The following IGSF3 variants were observed in gnomAD, a reference collection of about 807,000 sequenced individuals.
The protein encoded by IGSF3 is glu-Trp-Ile EWI motif-containing protein 3.
In IGSF3, 23 loss-of-function variants were observed where a neutral mutation model predicts 114.4. The observed-to-expected ratio is 0.20, with a 90% CI of 0.14 to 0.28. IGSF3 has a LOEUF of 0.28. Ranked by LOEUF, IGSF3 falls within the 10% of genes least tolerant of loss-of-function variation. The pLI is 1.00. For synonymous variants in IGSF3, 571 were observed against 645.2 expected (o/e 0.88, Z 1.74); for missense variants, 1,172 against 1,591.5 (o/e 0.74, Z 4.48).
At chr1:116,581,528 G>T (rs569852481) in intron 9 of IGSF3, among the ~76,000 whole-genome samples, 308 of 152,182 alleles carry the variant, frequency 2.0e-3, no homozygotes, top group Non-Finnish European at 2.9e-3. Flanking sequence ...ATTGTCCTGG[G>T]CTTTCAATGA....
intron 8 of IGSF3, among the ~76,000 whole-genome samples, chr1:116,587,218 G>A (rs963988112): frequency 6.6e-6 from 1 of 152,006 alleles, no homozygotes; most frequent in Non-Finnish European, 1.5e-5. Context: ...GTGTGTGTGT[G>A]TATATATATA....
chr1:116,597,265 C>T (rs1467739267), intron 7 of IGSF3, among the ~76,000 whole-genome samples: 2 of 152,220 alleles, frequency 1.3e-5, no homozygotes, highest in Non-Finnish European at 2.9e-5. Flanking sequence ...CACCAAGTGT[C>T]CAACAGTCTC....
chr1:116,648,138 G>A lies in IGSF3; in HGVS notation c.43+18146C>T, dbSNP rs978277670. Among the ~76,000 whole-genome samples, 3 of 152,080 alleles carry A rather than the reference G, an allele frequency of 2.0e-5. No individual in the cohort carries two copies. Among genetic ancestry groups the A allele is most frequent in the Non-Finnish European group, 2.9e-5 (2 of 68,024 alleles). On this transcript the variant is annotated intron_variant, in intron 2 of 10. Transcript: ENST00000369486. The surrounding 1 kb of genome is among the most constrained non-coding windows in gnomAD (Gnocchi z 4.7). Reference sequence around the variant, plus strand: ...AAAAAAAGAGTGGCTACCCAAGAACGCAACAGCAGCAGCAAACACTGATCT... The same window carrying A: ...AAAAAAAGAGTGGCTACCCAAGAACACAACAGCAGCAGCAAACACTGATCT...
intron 4 of IGSF3, among the ~76,000 whole-genome samples, chr1:116,609,209 A>T (rs1245821043): frequency 3.9e-5 from 6 of 151,918 alleles, no homozygotes; most frequent in African/African-American, 1.4e-4. Context: ...ACTAAACCCA[A>T]GCAGCCTCCT....
At position 116,627,610 on chromosome 1, in the gene IGSF3, G is replaced by GCAGGCAGCGTCAGGATGTCAGCTAC. The variant is rs1647354720; in HGVS notation, c.44-11178_44-11154dup. Among the ~76,000 whole-genome samples the GCAGGCAGCGTCAGGATGTCAGCTAC allele has an allele frequency of 6.6e-6, 1 of 152,364 alleles. No individual in the cohort carries two copies. Among genetic ancestry groups the GCAGGCAGCGTCAGGATGTCAGCTAC allele is most frequent in the East Asian group, 1.9e-4 (1 of 5,188 alleles). Reference sequence around the variant, plus strand: ...CTGACAACAGGCCGGGAGCGCATCTGCAGGCAGCGTCAGGATGTCAGCTAC... The same window carrying GCAGGCAGCGTCAGGATGTCAGCTAC: ...CTGACAACAGGCCGGGAGCGCATCTGCAGGCAGCGTCAGGATGTCAGCTACCAGGCAGCGTCAGGATGTCAGCTAC... On this transcript the variant is annotated intron_variant, in intron 2 of 10. Coordinates refer to ENST00000369486, the MANE Select transcript of IGSF3 (RefSeq NM_001007237.3). The surrounding 1 kb of genome is among the most constrained non-coding windows in gnomAD (Gnocchi z 4.7).
intron 7 of IGSF3, among the ~76,000 whole-genome samples, chr1:116,597,241 A>G (rs1660381033): frequency 6.6e-6 from 1 of 152,228 alleles, no homozygotes; most frequent in Admixed American, 6.5e-5. Flanking sequence ...GTGAAGATTA[A>G]GTGAGGTAAT....
intron 4 of IGSF3, among the ~76,000 whole-genome samples, chr1:116,609,568 GT>G (rs1311203014): frequency 6.6e-6 from 1 of 152,094 alleles, no homozygotes; most frequent in East Asian, 1.9e-4. Flanking sequence ...AGAAAACGGA[GT>G]TAAGGGTTAG....
In IGSF3 at chr1:116,614,775, C is replaced by T. The variant is rs1445962798; in HGVS notation, c.422-600G>A. On this transcript the variant is annotated intron_variant, in intron 3 of 10. Transcript: ENST00000369486. This position sits in a 1 kb window ranked among gnomAD's most constrained non-coding sequence, Gnocchi z 4.5. ...ATAATTCATCGATCAAAGGGGTCCT[C>T]ACTGGAAGGAAGCCACAGTCTGGAG... Among the ~76,000 whole-genome samples, 1 of 152,164 alleles carries T rather than the reference C, an allele frequency of 6.6e-6. No homozygotes were observed. Among genetic ancestry groups the T allele is most frequent in the East Asian group, 1.9e-4 (1 of 5,190 alleles).
rs984423824 is a variant in IGSF3 at position 116,627,199 on chromosome 1, G to T, written c.44-10742C>A. 6.6e-6 allele frequency among the ~76,000 whole-genome samples: 1 copy of T among 152,142 alleles called. No homozygotes were observed. The highest frequency in any genetic ancestry group is 2.4e-5 in the African/African-American group (1 of 41,414). On this transcript the variant is annotated intron_variant, in intron 2 of 10. Coordinates refer to ENST00000369486, the MANE Select transcript of IGSF3 (RefSeq NM_001007237.3). The surrounding 1 kb of genome is among the most constrained non-coding windows in gnomAD (Gnocchi z 4.7). ...CCTCTGAGAAGTCCAGAGGCTCAGT[G>T]AACCGCAGCTTAGAGTGAGTTCCAG... is the stretch of plus-strand genomic sequence containing the variant.
intron 2 of IGSF3, among the ~76,000 whole-genome samples, chr1:116,643,071 C>A (rs1648180861): frequency 1.3e-5 from 2 of 152,182 alleles, no homozygotes; most frequent in African/African-American, 4.8e-5. Flanking sequence ...CCAAAAGGCG[C>A]AGGGGGATGG....
rs1444729118 is a variant in IGSF3 at position 116,629,693 on chromosome 1, T to C, written c.44-13236A>G. Among the ~76,000 whole-genome samples, 4 of 152,228 alleles carry C rather than the reference T, an allele frequency of 2.6e-5. No homozygotes were observed. The highest frequency in any genetic ancestry group is 1.5e-5 in the Non-Finnish European group (1 of 68,048). ...CTTTGCAGGTGTGTGAAGTGTCAAA[T>C]GGTTAATCAGTTGCCCTCTATTTGA... is the stretch of plus-strand genomic sequence containing the variant. On this transcript the variant is annotated intron_variant, in intron 2 of 10. Transcript: ENST00000369486. The surrounding 1 kb of genome is among the most constrained non-coding windows in gnomAD (Gnocchi z 4.3).
chr1:116,625,066 C>A lies in IGSF3; in HGVS notation c.44-8609G>T, dbSNP rs1250254775. Among the ~76,000 whole-genome samples, 1 of 152,214 alleles carries A rather than the reference C, an allele frequency of 6.6e-6. No individual in the cohort carries two copies. The highest frequency in any genetic ancestry group is 1.5e-5 in the Non-Finnish European group (1 of 68,026). On this transcript the variant is annotated intron_variant, in intron 2 of 10. Transcript: ENST00000369486. The surrounding 1 kb of genome is among the most constrained non-coding windows in gnomAD (Gnocchi z 4.7). Reference sequence around the variant, plus strand: ...AGCATAACAAAATTGTTGTTTTAAGCCACTGAGGTTTGGAAACATTTGTTA... The same window carrying A: ...AGCATAACAAAATTGTTGTTTTAAGACACTGAGGTTTGGAAACATTTGTTA...
chr1:116,617,150 A>G, intron 2 of IGSF3: 3 of 236,678 alleles, frequency 1.3e-5, no homozygotes, highest in Non-Finnish European at 2.1e-5. Flanking sequence ...AAAGGGGGGA[A>G]CTAACAGTGC....
In IGSF3 at chr1:116,596,296, A is replaced by G. The variant is rs1398820635; in HGVS notation, c.2029+3645T>C. Among the ~76,000 whole-genome samples, 1 of 152,216 alleles carries G rather than the reference A, an allele frequency of 6.6e-6. No homozygotes were observed. Among genetic ancestry groups the G allele is most frequent in the African/African-American group, 2.4e-5 (1 of 41,444 alleles). ...ATGGAATAAGAATATTTAACACAAT[A>G]TTCTTTAAAACGGGGGTAGCAGGGG... On this transcript the variant is annotated intron_variant, in intron 7 of 10. Transcript: ENST00000369486. This position sits in a 1 kb window ranked among gnomAD's most constrained non-coding sequence, Gnocchi z 4.1.
chr1:116,646,699 C>A (rs1417970953), intron 2 of IGSF3, among the ~76,000 whole-genome samples: 1 of 152,184 alleles, frequency 6.6e-6, no homozygotes, highest in Non-Finnish European at 1.5e-5. Context: ...GCTAAGGGAA[C>A]AAAGCCGGGG....
At position 116,575,014 on chromosome 1, in the gene IGSF3, C is replaced by T. The variant is rs926414841; in HGVS notation, c.*2298G>A. ...TACAATTGCTTTACATATTTGTGTG[C>T]AGCACCTACTTCTTTATCGCCGTGA... On this transcript the variant is annotated 3_prime_UTR_variant, in exon 11 of 11. Transcript: ENST00000369486. The surrounding 1 kb of genome is among the most constrained non-coding windows in gnomAD (Gnocchi z 5.6). The T allele has an allele frequency of 6.6e-6, 1 of 152,558 alleles. No homozygotes were observed. The highest frequency in any genetic ancestry group is 2.4e-5 in the African/African-American group (1 of 41,422). The allele number at this position is 152,558 out of a possible 1,614,324, so 9.5% of individuals were successfully genotyped here.
intron 2 of IGSF3, among the ~76,000 whole-genome samples, chr1:116,637,438 G>A (rs1471719534): frequency 6.6e-6 from 1 of 152,146 alleles, no homozygotes; most frequent in African/African-American, 2.4e-5. Flanking sequence ...CATGTTCTAT[G>A]GGTTCATTTC....
chr1:116,640,828 T>A (rs1353937423), intron 2 of IGSF3, among the ~76,000 whole-genome samples: 1 of 152,268 alleles, frequency 6.6e-6, no homozygotes, highest in Non-Finnish European at 1.5e-5. Flanking sequence ...CCAATTTACA[T>A]TGCCAAGATC....
rs978703398 is a variant in IGSF3, at chr1:116,642,975, T to C, written c.43+23309A>G. Among the ~76,000 whole-genome samples the C allele has an allele frequency of 1.1e-4, 16 of 152,128 alleles. No individual in the cohort carries two copies. Among genetic ancestry groups the C allele is most frequent in the African/African-American group, 3.9e-4 (16 of 41,418 alleles). ...TACTCACTCCCCTCACCTCTGCCCC[T>C]AAAGCAATTATTCATTAACCACAGG... On this transcript the variant is annotated intron_variant, in intron 2 of 10. Coordinates refer to ENST00000369486, the MANE Select transcript of IGSF3 (RefSeq NM_001007237.3). This position sits in a 1 kb window ranked among gnomAD's most constrained non-coding sequence, Gnocchi z 5.4.
Sources: allele counts gnomAD v4.1 joint callset (sites outside exome capture counted in the v4.1 genomes callset), GRCh38; gene constraint gnomAD v4.1.1; non-coding constraint Gnocchi (gnomAD v3.1); transcripts MANE v1.5; gene names NCBI Gene and HGNC (gene_info 2026-07-23, HGNC 2026-07-21).